Variants in ADAM18 observed in about 807,000 individuals in gnomAD.
ADAM18 encodes disintegrin and metalloproteinase domain-containing protein 18.
ADAM18 carries 117 observed loss-of-function variants against 94.4 expected under a neutral mutation model. The ratio of observed to expected loss-of-function variants is 1.24; its 90% CI spans 1.07 to 1.45. The LOEUF is 1.45. Among genes scored for constraint, ADAM18 ranks in the 40% most tolerant of loss-of-function variants. The pLI is 0.00. For synonymous variants in ADAM18, 327 were observed against 291.6 expected, an observed-to-expected ratio of 1.12 and a Z score of -1.24; for missense variants, 936 against 880.0, an observed-to-expected ratio of 1.06 and a Z score of -0.81.
At chr8:39,682,904 G>A (rs749531816) in intron 16 of ADAM18, among the ~76,000 whole-genome samples, 12 of 152,122 alleles carry the variant, frequency 7.9e-5, no homozygotes, top group Non-Finnish European at 2.9e-5. Flanking sequence ...TAAAAGATAT[G>A]TAACATTAGA....
At chr8:39,615,105 A>G (rs1819399093) in intron 6 of ADAM18, among the ~76,000 whole-genome samples, 1 of 152,140 alleles carries the variant, frequency 6.6e-6, no homozygotes, top group South Asian at 2.1e-4. Flanking sequence ...GACCAAATGG[A>G]CCTAACATAC....
chr8:39,720,646 T>TG (rs1822719642), intron 18 of ADAM18, among the ~76,000 whole-genome samples: 1 of 151,428 alleles, frequency 6.6e-6, no homozygotes, highest in African/African-American at 2.4e-5. Flanking sequence ...ATTTGCCTCA[T>TG]GGGGTTTACA....
At chr8:39,606,731 C>T (rs958526283) in intron 3 of ADAM18, among the ~76,000 whole-genome samples, 5 of 151,986 alleles carry the variant, frequency 3.3e-5, no homozygotes, top group Non-Finnish European at 7.4e-5. Context: ...TTTGTGTGAG[C>T]AATAAAGCTT....
At chr8:39,710,092 C>T (rs568618688) in intron 18 of ADAM18, among the ~76,000 whole-genome samples, 1 of 152,114 alleles carries the variant, frequency 6.6e-6, no homozygotes, top group Non-Finnish European at 1.5e-5. Flanking sequence ...TGGGATGATA[C>T]AGTTGTGTAG....
At chr8:39,631,580 C>T (rs1819931814) in intron 7 of ADAM18, among the ~76,000 whole-genome samples, 1 of 151,932 alleles carries the variant, frequency 6.6e-6, no homozygotes, top group Non-Finnish European at 1.5e-5. Flanking sequence ...GTGTTCATTA[C>T]TGTAGCTTTA....
intron 16 of ADAM18, among the ~76,000 whole-genome samples, chr8:39,681,116 C>G (rs537484034): frequency 6.6e-6 from 1 of 152,284 alleles, no homozygotes; most frequent in Non-Finnish European, 1.5e-5. Context: ...TGGAATGTCA[C>G]AAGATTAGAG....
intron 3 of ADAM18, among the ~76,000 whole-genome samples, chr8:39,606,798 TA>T (rs1278266569): frequency 3.3e-5 from 5 of 151,458 alleles, no homozygotes; most frequent in African/African-American, 1.2e-4. Flanking sequence ...CAAAGGGAGA[TA>T]GGGGTGGGGA....
chr8:39,684,862 C>T (rs1438798070), intron 16 of ADAM18, among the ~76,000 whole-genome samples: 2 of 152,200 alleles, frequency 1.3e-5, no homozygotes, highest in Non-Finnish European at 2.9e-5. Flanking sequence ...GACCTCACCA[C>T]TGTGTTATCC....
chr8:39,648,589 G>A, intron 12 of ADAM18, 62 bp downstream of exon 12: 2 of 1,419,938 alleles, frequency 1.4e-6, no homozygotes, highest in East Asian at 4.8e-5. Flanking sequence ...CATAAGACAT[G>A]TTTGTCATGG....
intron 17 of ADAM18, among the ~76,000 whole-genome samples, chr8:39,701,043 G>A (rs1180868682): frequency 1.3e-4 from 19 of 142,426 alleles, no homozygotes; most frequent in East Asian, 1.2e-3. Flanking sequence ...GCGTGAACCC[G>A]GGAGGCGGAG....
intron 6 of ADAM18, among the ~76,000 whole-genome samples, chr8:39,614,579 C>G (rs987394492): frequency 1.3e-5 from 2 of 152,104 alleles, no homozygotes; most frequent in Non-Finnish European, 2.9e-5. Context: ...TAACAGCCAG[C>G]TAACAACACA....
intron 6 of ADAM18, among the ~76,000 whole-genome samples, chr8:39,616,379 C>T (rs988318403): frequency 6.6e-6 from 1 of 152,106 alleles, no homozygotes; most frequent in African/African-American, 2.4e-5. Context: ...TACTGCACTC[C>T]AGCTTGGGTG....
Position 39,637,184 on chromosome 8 carries a change from T to A in ADAM18, c.589-80T>A, listed in dbSNP as rs1408000474. On this transcript the variant is annotated intron_variant, in intron 7 of 19. Coordinates refer to ENST00000265707, the MANE Select transcript of ADAM18 (RefSeq NM_014237.3). Reference sequence around the variant, plus strand: ...AAACAGCTCTAGATTACTTATAATATCTAATACAATGCCTAAATATCATTT... The same window carrying A: ...AAACAGCTCTAGATTACTTATAATAACTAATACAATGCCTAAATATCATTT... 7 of 1,115,396 alleles carry A rather than the reference T, an allele frequency of 6.3e-6. No homozygotes were observed. The East Asian group carries it at 1.8e-4, about 28-fold the overall frequency. 69.1% of individuals were successfully genotyped at this position (1,115,396 alleles called of 1,614,324 possible). A position where few individuals can be genotyped will look rare whatever the true frequency, so the allele number is the denominator to read the frequency against.
intron 10 of ADAM18, 79 bp from the exon 11 acceptor site, chr8:39,645,259 T>C (rs1820346226): frequency 8.1e-7 from 1 of 1,236,980 alleles, no homozygotes; most frequent in Admixed American, 2.3e-5. Flanking sequence ...ATAGAAAATA[T>C]GATAGGAGTA....
chr8:39,723,664 C>G, intron 18 of ADAM18, 84 bp from the exon 19 acceptor site: 1 of 1,002,752 alleles, frequency 1.0e-6, no homozygotes, highest in Non-Finnish European at 1.4e-6. Context: ...ATTATATATA[C>G]ACGTATATGA....
chr8:39,584,831 C>A lies in ADAM18; in HGVS notation c.55+154C>A, dbSNP rs140946481. ...GTGTGTCAGGGACACCTTTCCACGC[C>A]AGGCCAGGGGGAACTAAAGGCCTTA... On this transcript the variant is annotated intron_variant, in intron 1 of 19. Coordinates refer to ENST00000265707, the MANE Select transcript of ADAM18 (RefSeq NM_014237.3). Among the ~76,000 whole-genome samples, 75 of 152,274 alleles carry A rather than the reference C, an allele frequency of 4.9e-4. No homozygotes were observed. The East Asian group carries it at 0.014, about 28-fold the overall frequency.
chr8:39,619,502 C>A (rs2129578758), intron 6 of ADAM18, among the ~76,000 whole-genome samples: 1 of 151,954 alleles, frequency 6.6e-6, no homozygotes, highest in African/African-American at 2.4e-5. Context: ...AACTAGAAAT[C>A]AATTATAAGA....
chr8:39,636,270 G>C (rs1398218129), intron 7 of ADAM18, among the ~76,000 whole-genome samples: 1 of 152,102 alleles, frequency 6.6e-6, no homozygotes, highest in Non-Finnish European at 1.5e-5. Flanking sequence ...ATAGGCGTGA[G>C]TCACTGCACC....
chr8:39,654,234 T>A (rs577770317), intron 12 of ADAM18, among the ~76,000 whole-genome samples: 87 of 144,306 alleles, frequency 6.0e-4, no homozygotes, highest in Non-Finnish European at 9.3e-4. Flanking sequence ...CTCAGCTCAC[T>A]GCAAGCTCCG....
Sources: gnomAD v4.1 joint callset for allele counts (sites outside exome capture counted in the v4.1 genomes callset) on GRCh38, gnomAD v4.1.1 for gene constraint, MANE v1.5 for transcripts, NCBI Gene and HGNC (gene_info 2026-07-23, HGNC 2026-07-21) for gene names.